GSG1L: variants seen among roughly 807,000 people sequenced by gnomAD.
GSG1L encodes GSG1 like.
GSG1L carries 24 observed loss-of-function variants against 42.1 expected under a neutral mutation model. That is an observed-to-expected ratio of 0.57 (90% CI 0.41 to 0.80). GSG1L has a LOEUF of 0.80. Ranked by LOEUF, GSG1L falls within the 30% of genes least tolerant of loss-of-function variation. GSG1L has a pLI of 0.00. For synonymous variants in GSG1L, 215 were observed against 203.5 expected (o/e 1.06, Z -0.48); for missense variants, 445 against 472.2 (o/e 0.94, Z 0.53).
intron 2 of GSG1L, among the ~76,000 whole-genome samples, chr16:27,889,724 C>A (rs1034706655): frequency 6.6e-6 from 1 of 152,168 alleles, no homozygotes; most frequent in Non-Finnish European, 1.5e-5. Flanking sequence ...TGACAGCACC[C>A]CTTGCTTTCT....
chr16:27,850,033 T>TTTTTC lies in GSG1L; in HGVS notation c.551-4973_551-4972insGAAAA, dbSNP rs1252651520. Among the ~76,000 whole-genome samples the TTTTTC allele has an allele frequency of 1.0e-4, 13 of 129,060 alleles. 1 individual carries two copies. The South Asian group carries it at 3.3e-3, about 33-fold the overall frequency. The allele number at this position is 129,060 out of a possible 152,430, so 84.7% of individuals were successfully genotyped here. A position where few individuals can be genotyped will look rare whatever the true frequency, so the allele number is the denominator to read the frequency against. On this transcript the variant is annotated intron_variant, in intron 3 of 6. Coordinates refer to ENST00000447459, the MANE Select transcript of GSG1L (RefSeq NM_001109763.2). ...ATTCATTTGAAATGCCTTTTTTTTT[T>TTTTTC]TTTTTTTTTTTTGAGATGGGAATCT...
At chr16:27,846,986 G>A (rs889402340) in intron 3 of GSG1L, among the ~76,000 whole-genome samples, 11 of 150,282 alleles carry the variant, frequency 7.3e-5, no homozygotes, top group African/African-American at 2.4e-4. Context: ...TCTGAACCTT[G>A]CCTATGTTTT....
intron 2 of GSG1L, among the ~76,000 whole-genome samples, chr16:27,946,625 GAGAGAGAA>G (rs2084870789): frequency 2.6e-5 from 1 of 39,208 alleles, no homozygotes; most frequent in Non-Finnish European, 5.0e-5. Flanking sequence ...GAGAGAGAGA[GAGAGAGAA>G]AGAAAGAAAG....
At chr16:27,815,237 A>G (rs1449908945) in intron 5 of GSG1L, among the ~76,000 whole-genome samples, 1 of 152,200 alleles carries the variant, frequency 6.6e-6, no homozygotes, top group African/African-American at 2.4e-5. Context: ...TTGGTCCCTC[A>G]TGAATGGCTT....
In GSG1L at chr16:28,063,643, G is replaced by A. The variant is rs1161854025; in HGVS notation, c.-219C>T. The A allele has an allele frequency of 1.3e-5, 2 of 150,356 alleles. No individual in the cohort carries two copies. The highest frequency in any genetic ancestry group is 2.9e-5 in the Non-Finnish European group (2 of 68,336). 9.3% of individuals were successfully genotyped at this position (150,356 alleles called of 1,614,324 possible). On this transcript the variant is annotated 5_prime_UTR_variant, in exon 1 of 7. Transcript: ENST00000447459. This position sits in a 1 kb window ranked among gnomAD's most constrained non-coding sequence, Gnocchi z 5.8. ...GGGGCGGGCTGGCGGGGCGGGCGGC[G>A]GTGGAGGAGCGGCTACGGCGCGCCC...
At chr16:27,812,440 ACTC>A (rs1360596145) in intron 5 of GSG1L, among the ~76,000 whole-genome samples, 2 of 152,182 alleles carry the variant, frequency 1.3e-5, no homozygotes, top group Non-Finnish European at 2.9e-5. Flanking sequence ...TCTCACAACT[ACTC>A]AACTCTGCCC....
chr16:28,057,008 C>T (rs904616008), intron 1 of GSG1L, among the ~76,000 whole-genome samples: 3 of 151,972 alleles, frequency 2.0e-5, no homozygotes, highest in Non-Finnish European at 4.4e-5. Context: ...AGGCAAGGAA[C>T]AGCAAGTACA....
At chr16:27,993,124 A>T (rs913969190) in intron 1 of GSG1L, among the ~76,000 whole-genome samples, 1 of 152,094 alleles carries the variant, frequency 6.6e-6, no homozygotes, top group African/African-American at 2.4e-5. Flanking sequence ...CGGCCCAAGC[A>T]CTCTAACTCC....
intron 2 of GSG1L, among the ~76,000 whole-genome samples, chr16:27,893,106 T>G (rs1193913181): frequency 7.2e-5 from 11 of 152,072 alleles, no homozygotes; most frequent in Non-Finnish European, 1.2e-4. Flanking sequence ...GCGCTAATGG[T>G]TCAATTTGCG....
intron 1 of GSG1L, among the ~76,000 whole-genome samples, chr16:27,967,214 T>C (rs1036056972): frequency 2.6e-5 from 4 of 152,228 alleles, no homozygotes; most frequent in Non-Finnish European, 5.9e-5. Context: ...ATAAGGTCTC[T>C]TGAAGCCCCT....
intron 2 of GSG1L, among the ~76,000 whole-genome samples, chr16:27,916,322 A>AT (rs377754417): frequency 2.2e-4 from 32 of 148,456 alleles, no homozygotes; most frequent in South Asian, 4.3e-4. Flanking sequence ...ATGTATTTAT[A>AT]TTTTTTTTTT....
At chr16:27,951,242 C>G (rs770383825) in intron 2 of GSG1L, among the ~76,000 whole-genome samples, 1 of 152,160 alleles carries the variant, frequency 6.6e-6, no homozygotes, top group Non-Finnish European at 1.5e-5. Context: ...TAGAGCTCCA[C>G]GATGGAGCAG....
intron 1 of GSG1L, among the ~76,000 whole-genome samples, chr16:28,006,038 G>A (rs959675590): frequency 3.9e-5 from 6 of 152,136 alleles, no homozygotes; most frequent in African/African-American, 7.2e-5. Flanking sequence ...AAGAGAGGGA[G>A]AAGCCAGGTG....
intron 3 of GSG1L, among the ~76,000 whole-genome samples, chr16:27,861,203 A>G (rs908539819): frequency 6.6e-6 from 1 of 152,108 alleles, no homozygotes; most frequent in Admixed American, 6.6e-5. Flanking sequence ...CCCCGTCTCT[A>G]TTAAAAAATA....
chr16:27,938,070 C>G (rs910534517), intron 2 of GSG1L, among the ~76,000 whole-genome samples: 2 of 152,080 alleles, frequency 1.3e-5, no homozygotes, highest in East Asian at 1.9e-4. Context: ...CCAGTTGGAG[C>G]CGGGTCCAGC....
chr16:27,966,972 A>G (rs2085143242), intron 1 of GSG1L, among the ~76,000 whole-genome samples: 1 of 152,006 alleles, frequency 6.6e-6, no homozygotes, highest in Non-Finnish European at 1.5e-5. Context: ...CCCACCGCCC[A>G]CTACTGCTCT....
At chr16:27,939,831 T>G (rs973736936) in intron 2 of GSG1L, among the ~76,000 whole-genome samples, 3 of 152,140 alleles carry the variant, frequency 2.0e-5, no homozygotes, top group Non-Finnish European at 4.4e-5. Flanking sequence ...CAGGCTAATT[T>G]TTTTTATTGT....
chr16:27,924,001 A>G (rs2084562165), intron 2 of GSG1L, among the ~76,000 whole-genome samples: 1 of 152,104 alleles, frequency 6.6e-6, no homozygotes, highest in Non-Finnish European at 1.5e-5. Context: ...TCAAAGTAAA[A>G]TAGGAGTAAC....
At chr16:27,903,678 C>A (rs533409174) in intron 2 of GSG1L, among the ~76,000 whole-genome samples, 25 of 152,268 alleles carry the variant, frequency 1.6e-4, no homozygotes, top group African/African-American at 6.0e-4. Flanking sequence ...CTCAAAGCTG[C>A]AATGAGCCAC....
Sources: gnomAD v4.1 joint callset for allele counts (sites outside exome capture counted in the v4.1 genomes callset) on GRCh38, gnomAD v4.1.1 for gene constraint, Gnocchi (gnomAD v3.1) non-coding constraint, MANE v1.5 for transcripts, NCBI Gene and HGNC (gene_info 2026-07-23, HGNC 2026-07-21) for gene names.